Variants in CAMTA1 observed in about 807,000 individuals in gnomAD.
CAMTA1 encodes calmodulin-binding transcription activator 1.
CAMTA1 carries 27 observed loss-of-function variants against 170.9 expected under a neutral mutation model. That is an observed-to-expected ratio of 0.16 (90% CI 0.12 to 0.22). CAMTA1 has a LOEUF of 0.22. CAMTA1 is among the 10% of genes least tolerant of loss of function. The probability of loss-of-function intolerance (pLI) is 1.00; values close to 1 mark genes in which losing one functional copy is unlikely to be tolerated. For missense variants in CAMTA1, 1,619 were observed against 2,217.2 expected (o/e 0.73, Z 5.42); for synonymous variants, 833 against 891.5 (o/e 0.93, Z 1.17).
In CAMTA1 at chr1:7,662,778, G is replaced by A. The variant is rs574690090; in HGVS notation, c.806-575G>A. Among the ~76,000 whole-genome samples, 14 of 152,256 alleles carry A rather than the reference G, an allele frequency of 9.2e-5. 1 individual carries two copies. In the South Asian group the frequency reaches 1.0e-3, roughly 11 times the overall value. On this transcript the variant is annotated intron_variant, in intron 8 of 22. Transcript: ENST00000303635. ...ACCTTTCCGCCTCTGGAGCAGGGTC[G>A]AGAACCCTCTTTGGTCCTGGGGCCT...
At chr1:7,599,011 G>A (rs2095421317) in intron 6 of CAMTA1, among the ~76,000 whole-genome samples, 1 of 152,144 alleles carries the variant, frequency 6.6e-6, no homozygotes. Context: ...TGAAGTCCTT[G>A]CCCATGCCTA....
intron 3 of CAMTA1, among the ~76,000 whole-genome samples, chr1:6,937,662 CCAT>C (rs1424718463): frequency 2.0e-5 from 3 of 151,492 alleles, no homozygotes; most frequent in Admixed American, 6.6e-5. Context: ...ATCACCATCA[CCAT>C]CATCATCACC....
At chr1:7,336,100 C>G (rs948910658) in intron 5 of CAMTA1, among the ~76,000 whole-genome samples, 13 of 152,214 alleles carry the variant, frequency 8.5e-5, no homozygotes, top group African/African-American at 3.1e-4. Context: ...AGTGGCCGCT[C>G]TCACCCTCTG....
At chr1:7,111,392 A>G (rs1644028273) in intron 4 of CAMTA1, among the ~76,000 whole-genome samples, 1 of 152,150 alleles carries the variant, frequency 6.6e-6, no homozygotes, top group African/African-American at 2.4e-5. Flanking sequence ...CCCTGGTTTT[A>G]TAGAAATTTC....
At chr1:7,378,834 G>A (rs2087049670) in intron 5 of CAMTA1, among the ~76,000 whole-genome samples, 1 of 152,308 alleles carries the variant, frequency 6.6e-6, no homozygotes, top group Non-Finnish European at 1.5e-5. Flanking sequence ...GATGAGGCCT[G>A]TGGGCCCAGC....
chr1:7,489,104 G>C (rs1409925587), intron 6 of CAMTA1, among the ~76,000 whole-genome samples: 1 of 152,180 alleles, frequency 6.6e-6, no homozygotes, highest in Non-Finnish European at 1.5e-5. Flanking sequence ...ACCACACTCC[G>C]TGGCCTCACA....
At position 7,769,420 on chromosome 1, in the gene CAMTA1, C is replaced by T. The variant is rs1344989058; in HGVS notation, c.*2929C>T. 1 of 152,748 alleles carries T rather than the reference C, an allele frequency of 6.5e-6. No individual in the cohort carries two copies. 9.5% of individuals were successfully genotyped at this position (152,748 alleles called of 1,614,324 possible). A position where few individuals can be genotyped will look rare whatever the true frequency, so the allele number is the denominator to read the frequency against. The stretch of plus-strand genomic sequence containing the variant: ...CGAAATAAAGACAATAATACGAACC[C>T]CTCTCTGGCTGCACGGTCGCTTATG... On this transcript the variant is annotated 3_prime_UTR_variant, in exon 23 of 23. Transcript: ENST00000303635.
chr1:7,566,910 G>A (rs953654938), intron 6 of CAMTA1, among the ~76,000 whole-genome samples: 4 of 152,192 alleles, frequency 2.6e-5, no homozygotes, highest in African/African-American at 7.2e-5. Flanking sequence ...AGTCTTCATG[G>A]GCCAGTCTTC....
intron 5 of CAMTA1, among the ~76,000 whole-genome samples, chr1:7,397,831 A>G (rs931134809): frequency 6.6e-6 from 1 of 151,952 alleles, no homozygotes; most frequent in African/African-American, 2.4e-5. Context: ...TTCCATTATG[A>G]TCAGAAAAGA....
chr1:7,624,316 G>A (rs2150794609), intron 6 of CAMTA1, among the ~76,000 whole-genome samples: 1 of 152,360 alleles, frequency 6.6e-6, no homozygotes, highest in South Asian at 2.1e-4. Context: ...TGAGCTTAGT[G>A]GGAAAGAGTG....
chr1:7,089,537 T>C (rs1280396924), intron 3 of CAMTA1, among the ~76,000 whole-genome samples: 1 of 33,572 alleles, frequency 3.0e-5, no homozygotes, highest in East Asian at 1.4e-3. Flanking sequence ...CCTAGCCCCA[T>C]CCCATCCCAT....
At chr1:7,515,400 G>C (rs2094269973) in intron 6 of CAMTA1, among the ~76,000 whole-genome samples, 1 of 152,212 alleles carries the variant, frequency 6.6e-6, no homozygotes, top group Non-Finnish European at 1.5e-5. Flanking sequence ...CTCTGCCTCT[G>C]TATGTGACTT....
chr1:7,342,966 G>A (rs1231373610), intron 5 of CAMTA1, among the ~76,000 whole-genome samples: 1 of 152,202 alleles, frequency 6.6e-6, no homozygotes, highest in Non-Finnish European at 1.5e-5. Context: ...AGTGCCCTCT[G>A]CAATCAGTGG....
At chr1:7,589,948 G>A (rs905193735) in intron 6 of CAMTA1, among the ~76,000 whole-genome samples, 3 of 152,162 alleles carry the variant, frequency 2.0e-5, no homozygotes, top group Non-Finnish European at 2.9e-5. Flanking sequence ...CCCTCTTGCT[G>A]GCTGCACAAG....
intron 3 of CAMTA1, among the ~76,000 whole-genome samples, chr1:6,884,415 G>A (rs146013172): frequency 2.0e-5 from 3 of 151,518 alleles, no homozygotes; most frequent in Non-Finnish European, 2.9e-5. Context: ...TTTTAGCCTC[G>A]TAGGCCAGGA....
At chr1:6,797,390 G>GTT (rs766109901) in intron 1 of CAMTA1, among the ~76,000 whole-genome samples, 3 of 142,392 alleles carry the variant, frequency 2.1e-5, no homozygotes, top group Non-Finnish European at 3.1e-5. Flanking sequence ...TATTTACTGG[G>GTT]TTTTTTTTTT....
chr1:7,019,856 T>A (rs1379144630), intron 3 of CAMTA1, among the ~76,000 whole-genome samples: 1 of 152,256 alleles, frequency 6.6e-6, no homozygotes, highest in Non-Finnish European at 1.5e-5. Context: ...CTGCTCCGAC[T>A]CCAGCTCTCA....
chr1:7,686,025 C>T (rs755279094), intron 11 of CAMTA1, among the ~76,000 whole-genome samples: 1 of 152,206 alleles, frequency 6.6e-6, no homozygotes, highest in African/African-American at 2.4e-5. Flanking sequence ...TCTGCCACCA[C>T]CTTAATTCAG....
At chr1:7,552,190 C>T (rs2150188064) in intron 6 of CAMTA1, among the ~76,000 whole-genome samples, 1 of 93,214 alleles carries the variant, frequency 1.1e-5, no homozygotes, top group Admixed American at 9.6e-5. Context: ...AAGGCCACCA[C>T]ACCCCCCCAG....
Sources: gnomAD v4.1 joint callset for allele counts (sites outside exome capture counted in the v4.1 genomes callset) on GRCh38, gnomAD v4.1.1 for gene constraint, MANE v1.5 for transcripts, NCBI Gene and HGNC (gene_info 2026-07-23, HGNC 2026-07-21) for gene names.